USP5: variants seen among roughly 807,000 people sequenced by gnomAD.
USP5 encodes ubiquitin carboxyl-terminal hydrolase 5.
A neutral mutation model predicts 102.5 loss-of-function variants in USP5; 24 were observed. The ratio of observed to expected loss-of-function variants is 0.23; its 90% CI spans 0.17 to 0.33. USP5 has a LOEUF of 0.33. Ranked by LOEUF, USP5 falls within the 10% of genes least tolerant of loss-of-function variation. The probability of loss-of-function intolerance (pLI) is 1.00; values close to 1 mark genes in which losing one functional copy is unlikely to be tolerated. For synonymous variants in USP5, 460 were observed against 434.8 expected (o/e 1.06, Z -0.72); for missense variants, 753 against 1,122.1 (o/e 0.67, Z 4.70).
intron 6 of USP5, among the ~76,000 whole-genome samples, chr12:6,857,236 C>T (rs1368527322): frequency 6.6e-6 from 1 of 152,134 alleles, no homozygotes; most frequent in Non-Finnish European, 1.5e-5. Flanking sequence ...GTTGAGGCTG[C>T]AGTGAGCTAT....
Position 6,866,099 on chromosome 12 carries a change from A to G in USP5, c.*22A>G. Reference sequence around the variant, plus strand: ...CTAAGAGCCTGCCTCACCCCTTACCAATGAGGGCAGGGGAAGACCACCTGG... The same window carrying G: ...CTAAGAGCCTGCCTCACCCCTTACCGATGAGGGCAGGGGAAGACCACCTGG... On this transcript the variant is annotated 3_prime_UTR_variant, in exon 20 of 20. Transcript: ENST00000229268. This position sits in a 1 kb window ranked among gnomAD's most constrained non-coding sequence, Gnocchi z 4.7. 6.2e-7 allele frequency: 1 copy of G among 1,604,464 alleles called. No homozygotes were observed. Among genetic ancestry groups the G allele is most frequent in the Non-Finnish European group, 8.5e-7 (1 of 1,171,372 alleles).
rs782600703 is a variant in USP5, at chr12:6,861,323, G to C, written c.1499-120G>C. ...AACAGGCGAGATATATTGGACATGT[G>C]TCAGGGGTGCTTTGGAAGGGTAGAG... On this transcript the variant is annotated intron_variant, in intron 12 of 19. Coordinates refer to ENST00000229268, the MANE Select transcript of USP5 (RefSeq NM_001098536.2). The surrounding 1 kb of genome is among the most constrained non-coding windows in gnomAD (Gnocchi z 4.9). 2.3e-6 allele frequency: 3 copies of C among 1,332,788 alleles called. No individual in the cohort carries two copies. In the South Asian group the frequency reaches 4.2e-5, roughly 19 times the overall value. 82.6% of individuals were successfully genotyped at this position (1,332,788 alleles called of 1,614,324 possible).
Position 6,855,512 on chromosome 12 carries a change from C to T in USP5, c.223C>T (p.Arg75Trp), listed in dbSNP as rs782513444. The change falls in exon 2 of 20, where the codon CGG (arginine) becomes TGG (tryptophan). Residue 75 changes from arginine to tryptophan, a missense_variant. By Grantham distance (101) the Arg-to-Trp change is moderately radical (BLOSUM62 -3). Around this residue, in one of 3 missense-constraint regions of USP5, gnomAD observed 527 missense variants for 816.5 expected, o/e 0.65. Transcript: ENST00000229268. This position sits in a 1 kb window ranked among gnomAD's most constrained non-coding sequence, Gnocchi z 4.6. The part of the protein sequence containing the change: ...TGQRVYLHLR[R>W]TRRPKEEDPA... The stretch of plus-strand genomic sequence containing the variant: ...CCAGCGAGTCTACTTGCACCTCCGG[C>T]GGACCCGGCGCCCGGTAGGAGCAGG... 30 of 1,614,012 alleles carry T rather than the reference C, an allele frequency of 1.9e-5. No individual in the cohort carries two copies. Among genetic ancestry groups the T allele is most frequent in the South Asian group, 5.5e-5 (5 of 91,090 alleles).
At chr12:6,857,021 C>T (rs1467783867) in intron 6 of USP5, 130 bp downstream of exon 6, 26 of 1,258,166 alleles carry the variant, frequency 2.1e-5, no homozygotes, top group Admixed American at 5.1e-5. Context: ...TGCGGTGGCT[C>T]ATGTTTGCAA....
chr12:6,859,225 A>G (rs1490090648), intron 8 of USP5, among the ~76,000 whole-genome samples: 1 of 152,204 alleles, frequency 6.6e-6, no homozygotes, highest in Non-Finnish European at 1.5e-5. Flanking sequence ...AACTGCACTT[A>G]TCCTAATCCC....
rs1944101820 is a variant in USP5 at position 6,856,051 on chromosome 12, G to T, written c.339G>T (p.Lys113Asn). The change falls in exon 4 of 20, where the codon AAG becomes AAT. Residue 113 changes from lysine (K) to asparagine (N), a missense_variant. By Grantham distance (94) the Lys-to-Asn change is moderately conservative. Around this residue, in one of 3 missense-constraint regions of USP5, gnomAD observed 527 missense variants for 816.5 expected, o/e 0.65. Coordinates refer to ENST00000229268, the MANE Select transcript of USP5 (RefSeq NM_001098536.2). The surrounding 1 kb of genome is among the most constrained non-coding windows in gnomAD (Gnocchi z 5.6). ...VEGGFDLSEE[K>N]FELDEDVKIV... is the part of the protein sequence containing the mutation. ...GCGGATTTGACCTTAGCGAGGAGAA[G>T]TTTGAATTAGACGAGGATGTGAAGA... is the stretch of plus-strand genomic sequence containing the variant. 5.0e-6 allele frequency: 8 copies of T among 1,614,078 alleles called. No individual in the cohort carries two copies. The highest frequency in any genetic ancestry group is 1.3e-5 in the African/African-American group (1 of 74,922).
chr12:6,856,716 G>A lies in USP5; in HGVS notation c.594G>A (p.Lys198=), dbSNP rs1944124731. ...CTTCTCTGTGGGTTAGTGGCTGGAA[G>A]TGCTCCAAGTGTGACATGAGAGAGA... ...NPARIPPCGW[K]CSKCDMRENL... The change falls in exon 6 of 20, where the codon AAG becomes AAA. Residue 198 remains lysine (K), a synonymous_variant. Transcript: ENST00000229268. The surrounding 1 kb of genome is among the most constrained non-coding windows in gnomAD (Gnocchi z 5.6). 1.2e-6 allele frequency: 2 copies of A among 1,613,938 alleles called. No homozygotes were observed. Among genetic ancestry groups the A allele is most frequent in the Non-Finnish European group, 1.7e-6 (2 of 1,179,972 alleles).
chr12:6,854,067 AG>A (rs1944036581), intron 1 of USP5, among the ~76,000 whole-genome samples: 1 of 152,162 alleles, frequency 6.6e-6, no homozygotes, highest in South Asian at 2.1e-4. Context: ...CTCTTTACAA[AG>A]GCACTGGAAA....
rs1555129918 is a variant in USP5 at position 6,863,197 on chromosome 12, G to A, written c.1774G>A (p.Glu592Lys). Residue 592 changes from glutamate (E) to lysine (K), a missense_variant, in exon 15 of 20, where the codon GAG becomes AAG. Glu to Lys is a moderately conservative substitution (Grantham distance 56). Around this residue, in one of 3 missense-constraint regions of USP5, gnomAD observed 527 missense variants for 816.5 expected, o/e 0.65. Coordinates refer to ENST00000229268, the MANE Select transcript of USP5 (RefSeq NM_001098536.2). This position sits in a 1 kb window ranked among gnomAD's most constrained non-coding sequence, Gnocchi z 4.7. ...WVPKKLDVSI[E>K]MPEELDISQL... ...CCCTTTTCCCACAGATGTGTCCATC[G>A]AGATGCCAGAGGAGCTCGACATCTC... The A allele has an allele frequency of 6.2e-7, 1 of 1,611,768 alleles. No homozygotes were observed. The highest frequency in any genetic ancestry group is 2.2e-5 in the East Asian group (1 of 44,850).
At position 6,855,772 on chromosome 12, in the gene USP5, T is replaced by C; in HGVS notation, c.255T>C (p.Ala85=). The C allele has an allele frequency of 6.2e-7, 1 of 1,614,224 alleles. No homozygotes were observed. Among genetic ancestry groups the C allele is most frequent in the South Asian group, 1.1e-5 (1 of 91,092 alleles). ...CTTTACAGAAAGAGGAGGACCCTGC[T>C]ACAGGCACTGGAGACCCACCCCGGA... is the stretch of plus-strand genomic sequence containing the variant. ...RTRRPKEEDP[A]TGTGDPPRKK... The change falls in exon 3 of 20, where the codon GCT becomes GCC. Residue 85 remains alanine, a synonymous_variant. Coordinates refer to ENST00000229268, the MANE Select transcript of USP5 (RefSeq NM_001098536.2). This position sits in a 1 kb window ranked among gnomAD's most constrained non-coding sequence, Gnocchi z 4.6.
Position 6,858,741 on chromosome 12 carries a change from G to A in USP5, c.1058+124G>A, listed in dbSNP as rs1480838141. The A allele has an allele frequency of 5.4e-6, 5 of 918,220 alleles. No individual in the cohort carries two copies. The highest frequency in any genetic ancestry group is 1.8e-5 in the South Asian group (1 of 54,488). 56.9% of individuals were successfully genotyped at this position (918,220 alleles called of 1,614,324 possible). On this transcript the variant is annotated intron_variant, in intron 8 of 19. Coordinates refer to ENST00000229268, the MANE Select transcript of USP5 (RefSeq NM_001098536.2). The surrounding 1 kb of genome is among the most constrained non-coding windows in gnomAD (Gnocchi z 4.2). Reference sequence around the variant, plus strand: ...AGTCTTAGAGTAGTTCCTATCGGCTGGGTGTGTTGGCCCACACCCGTAATC... The same window carrying A: ...AGTCTTAGAGTAGTTCCTATCGGCTAGGTGTGTTGGCCCACACCCGTAATC...
intron 6 of USP5, among the ~76,000 whole-genome samples, 163 bp downstream of exon 6, chr12:6,857,054 G>A (rs770934365): frequency 1.3e-5 from 2 of 152,210 alleles, no homozygotes; most frequent in African/African-American, 4.8e-5. Context: ...GGGAGGCCAA[G>A]GCAGGAGAAT....
chr12:6,855,766 C>T lies in USP5; in HGVS notation c.249C>T (p.Asp83=), dbSNP rs781989398. The change falls in exon 3 of 20, where the codon GAC becomes GAT. Residue 83 remains aspartate, a synonymous_variant. Transcript: ENST00000229268. The surrounding 1 kb of genome is among the most constrained non-coding windows in gnomAD (Gnocchi z 4.6). Reference sequence around the variant, plus strand: ...CTGCTTCTTTACAGAAAGAGGAGGACCCTGCTACAGGCACTGGAGACCCAC... The same window carrying T: ...CTGCTTCTTTACAGAAAGAGGAGGATCCTGCTACAGGCACTGGAGACCCAC... The part of the protein sequence containing the change: ...LRRTRRPKEE[D]PATGTGDPPR... 4 of 1,614,218 alleles carry T rather than the reference C, an allele frequency of 2.5e-6. No homozygotes were observed. The highest frequency in any genetic ancestry group is 1.3e-5 in the African/African-American group (1 of 75,060).
At position 6,864,336 on chromosome 12, in the gene USP5, A is replaced by C; in HGVS notation, c.2244+141A>C. 4 of 1,243,694 alleles carry C rather than the reference A, an allele frequency of 3.2e-6. No individual in the cohort carries two copies. The highest frequency in any genetic ancestry group is 4.3e-6 in the Non-Finnish European group (4 of 930,754). 77.0% of individuals were successfully genotyped at this position (1,243,694 alleles called of 1,614,324 possible). A position where few individuals can be genotyped will look rare whatever the true frequency, so the allele number is the denominator to read the frequency against. ...GCACCACTCTTTTGTGGCTGCGATG[A>C]AGGAGCTGAAGCCTGCGTTCACTGC... On this transcript the variant is annotated intron_variant, in intron 17 of 19. Transcript: ENST00000229268. The surrounding 1 kb of genome is among the most constrained non-coding windows in gnomAD (Gnocchi z 4.8).
Position 6,860,532 on chromosome 12 carries a change from T to G in USP5, c.1344+41T>G, listed in dbSNP as rs781799228. 6.2e-7 allele frequency: 1 copy of G among 1,610,346 alleles called. No individual in the cohort carries two copies. The highest frequency in any genetic ancestry group is 8.5e-7 in the Non-Finnish European group (1 of 1,179,434). ...ATGGCACACCCCCATCTTCCTGCAA[T>G]TTACTCGCTCTCCTTCCTGCCCATT... On this transcript the variant is annotated intron_variant, in intron 11 of 19. Coordinates refer to ENST00000229268, the MANE Select transcript of USP5 (RefSeq NM_001098536.2). The surrounding 1 kb of genome is among the most constrained non-coding windows in gnomAD (Gnocchi z 5.5).
Position 6,863,376 on chromosome 12 carries a change from A to G in USP5, c.1953A>G (p.Thr651=). 1 of 1,613,100 alleles carries G rather than the reference A, an allele frequency of 6.2e-7. No homozygotes were observed. The highest frequency in any genetic ancestry group is 1.7e-5 in the Admixed American group (1 of 59,944). The change falls in exon 15 of 20, where the codon ACA becomes ACG. Residue 651 remains threonine (T), a splice_region_variant and synonymous_variant. Transcript: ENST00000229268. This position sits in a 1 kb window ranked among gnomAD's most constrained non-coding sequence, Gnocchi z 4.7. ...SFCSPHFSSP[T]SPMLDESVII... The stretch of plus-strand genomic sequence containing the variant: ...GCTCCCCTCACTTCTCCTCTCCGAC[A>G]TGTTAGTGACTCTTCTTCCTGCCTG...
chr12:6,865,984 A>G lies in USP5; in HGVS notation c.2484A>G (p.Arg828=). The G allele has an allele frequency of 1.2e-6, 2 of 1,614,040 alleles. No individual in the cohort carries two copies. The highest frequency in any genetic ancestry group is 1.1e-5 in the South Asian group (1 of 91,068). The change falls in exon 20 of 20, where the codon AGA becomes AGG. Residue 828 remains arginine, a splice_region_variant and synonymous_variant. Coordinates refer to ENST00000229268, the MANE Select transcript of USP5 (RefSeq NM_001098536.2). The part of the protein sequence containing the change: ...HYVCHIKKEG[R]WVIYNDQKVC... ...TTTTCTGTTTTCCCCACTTCCCCAG[A>G]TGGGTGATCTACAATGACCAGAAAG...
chr12:6,863,351 G>A lies in USP5; in HGVS notation c.1928G>A (p.Cys643Tyr). Residue 643 changes from cysteine (C) to tyrosine (Y), a missense_variant, in exon 15 of 20, where the codon TGC becomes TAC. Coordinates refer to ENST00000229268, the MANE Select transcript of USP5 (RefSeq NM_001098536.2). This position sits in a 1 kb window ranked among gnomAD's most constrained non-coding sequence, Gnocchi z 4.7. Reference sequence around the variant, plus strand: ...GGCAACGAAGACGAAGACTCCTTCTGCTCCCCTCACTTCTCCTCTCCGACA... The same window carrying A: ...GGCAACGAAGACGAAGACTCCTTCTACTCCCCTCACTTCTCCTCTCCGACA... The part of the protein sequence containing the change: ...FYGNEDEDSF[C>Y]SPHFSSPTSP... The A allele has an allele frequency of 1.2e-6, 2 of 1,614,068 alleles. No individual in the cohort carries two copies. Among genetic ancestry groups the A allele is most frequent in the South Asian group, 1.1e-5 (1 of 91,066 alleles).
chr12:6,856,264 C>A lies in USP5; in HGVS notation c.439-41C>A. ...CCAAGGGGAAGAGGGGCATGTGGGG[C>A]AGGGGGTTGGGTATTGCCTCTGACC... On this transcript the variant is annotated intron_variant, in intron 4 of 19. Coordinates refer to ENST00000229268, the MANE Select transcript of USP5 (RefSeq NM_001098536.2). The surrounding 1 kb of genome is among the most constrained non-coding windows in gnomAD (Gnocchi z 5.6). 6.2e-7 allele frequency: 1 copy of A among 1,604,220 alleles called. No homozygotes were observed.
Sources: gnomAD v4.1 joint callset for allele counts (sites outside exome capture counted in the v4.1 genomes callset) on GRCh38, gnomAD v4.1.1 for gene constraint, gnomAD v4.1.1 regional missense constraint, Gnocchi (gnomAD v3.1) non-coding constraint, MANE v1.5 for transcripts, NCBI Gene and HGNC (gene_info 2026-07-23, HGNC 2026-07-21) for gene names.